The following TBC1D5 variants were observed in gnomAD, a reference collection of about 807,000 sequenced individuals.
The protein encoded by TBC1D5 is TBC1 domain family, member 5.
Under a neutral mutation model 100.3 loss-of-function variants are expected in TBC1D5, and 75 were observed. The observed-to-expected ratio is 0.75, with a 90% CI of 0.62 to 0.91. The LOEUF (loss-of-function observed/expected upper bound fraction) is 0.91, where lower values mean the gene tolerates loss of function less well. TBC1D5 is among the 40% of genes least tolerant of loss of function. The probability of loss-of-function intolerance (pLI) is 0.00; values close to 1 mark genes in which losing one functional copy is unlikely to be tolerated. For missense variants in TBC1D5, 910 were observed against 942.4 expected, an observed-to-expected ratio of 0.97 and a Z score of 0.45; for synonymous variants, 323 against 325.6, an observed-to-expected ratio of 0.99 and a Z score of 0.09.
chr3:17,514,475 G>A (rs2095956760), intron 2 of TBC1D5, among the ~76,000 whole-genome samples: 1 of 151,986 alleles, frequency 6.6e-6, no homozygotes, highest in Admixed American at 6.6e-5. Flanking sequence ...CAACATATAA[G>A]AACAATGATC....
At chr3:17,366,527 T>G (rs1428961793) in intron 13 of TBC1D5, among the ~76,000 whole-genome samples, 1 of 152,186 alleles carries the variant, frequency 6.6e-6, no homozygotes, top group Non-Finnish European at 1.5e-5. Flanking sequence ...CAGTAGTGTA[T>G]GAAAGCAAGC....
At chr3:17,675,573 T>C (rs1354971069) in intron 1 of TBC1D5, among the ~76,000 whole-genome samples, 3 of 152,140 alleles carry the variant, frequency 2.0e-5, no homozygotes, top group African/African-American at 7.2e-5. Flanking sequence ...AATTTTAACT[T>C]ATATGAAAGG....
chr3:17,621,977 T>C (rs570164786), intron 2 of TBC1D5, among the ~76,000 whole-genome samples: 18 of 152,350 alleles, frequency 1.2e-4, no homozygotes, highest in African/African-American at 4.3e-4. Context: ...GTTTTCTTCC[T>C]TTCATTCATC....
At chr3:17,521,918 A>G (rs923567175) in intron 2 of TBC1D5, among the ~76,000 whole-genome samples, 1 of 152,164 alleles carries the variant, frequency 6.6e-6, no homozygotes, top group Non-Finnish European at 1.5e-5. Flanking sequence ...ATTGATTAGT[A>G]GCTTCAAAAA....
intron 2 of TBC1D5, among the ~76,000 whole-genome samples, chr3:17,573,617 A>G (rs943599069): frequency 1.3e-5 from 2 of 152,060 alleles, no homozygotes; most frequent in Non-Finnish European, 2.9e-5. Context: ...AACTCAAACT[A>G]CTTGCAGTTC....
At chr3:17,220,124 G>A (rs2074112980) in intron 17 of TBC1D5, among the ~76,000 whole-genome samples, 1 of 152,110 alleles carries the variant, frequency 6.6e-6, no homozygotes, top group Non-Finnish European at 1.5e-5. Context: ...ATTTTAGAAA[G>A]GTACACCTTT....
At chr3:17,211,726 T>C (rs530292003) in intron 18 of TBC1D5, among the ~76,000 whole-genome samples, 1 of 152,238 alleles carries the variant, frequency 6.6e-6, no homozygotes, top group Non-Finnish European at 1.5e-5. Flanking sequence ...ATATTTTTAT[T>C]GCTACTGTTT....
chr3:17,436,794 A>G (rs2094543955), intron 3 of TBC1D5, among the ~76,000 whole-genome samples: 1 of 152,224 alleles, frequency 6.6e-6, no homozygotes, highest in Non-Finnish European at 1.5e-5. Context: ...AACATGTATG[A>G]TAGTACATAG....
At chr3:17,201,031 CTCT>C (rs1274008721) in intron 18 of TBC1D5, among the ~76,000 whole-genome samples, 3 of 152,014 alleles carry the variant, frequency 2.0e-5, no homozygotes, top group Non-Finnish European at 4.4e-5. Context: ...TTGTTTTTTT[CTCT>C]TCTTATTAGT....
chr3:17,227,949 T>C (rs767866256), intron 17 of TBC1D5, among the ~76,000 whole-genome samples: 1 of 150,876 alleles, frequency 6.6e-6, no homozygotes, highest in Admixed American at 6.6e-5. Flanking sequence ...GAGTGGAGGA[T>C]AGTGGGAAGA....
rs569077892 is a variant in TBC1D5, at chr3:17,297,468, C to T, written c.1139-5467G>A. On this transcript the variant is annotated intron_variant, in intron 14 of 21. Coordinates refer to ENST00000253692, the Ensembl canonical transcript of TBC1D5. Reference sequence around the variant, plus strand: ...GTGGGCGCCTGTAATCCCAGCTACTCGGGAGGCTGACGCAGGAGAATCACT... The same window carrying T: ...GTGGGCGCCTGTAATCCCAGCTACTTGGGAGGCTGACGCAGGAGAATCACT... 2.6e-4 allele frequency among the ~76,000 whole-genome samples: 39 copies of T among 151,690 alleles called. 1 individual carries two copies. The South Asian group carries it at 7.9e-3, about 31-fold the overall frequency.
chr3:17,705,849 G>T, intron 1 of TBC1D5, among the ~76,000 whole-genome samples: 1 of 151,678 alleles, frequency 6.6e-6, no homozygotes, highest in Non-Finnish European at 1.5e-5. Context: ...ACGGGGTGGC[G>T]GCCGGGCAGA....
At chr3:17,364,159 T>C (rs2091948869) in intron 13 of TBC1D5, among the ~76,000 whole-genome samples, 1 of 152,164 alleles carries the variant, frequency 6.6e-6, no homozygotes, top group South Asian at 2.1e-4. Flanking sequence ...TTTCTACTAA[T>C]TATTTAGAGT....
chr3:17,709,082 T>G (rs2074449530), intron 1 of TBC1D5, among the ~76,000 whole-genome samples: 2 of 152,228 alleles, frequency 1.3e-5, no homozygotes, highest in Non-Finnish European at 2.9e-5. Context: ...TATAATGAAT[T>G]AATTCTAACT....
chr3:17,540,905 CAAAAAAAAAAA>C (rs71634807), intron 2 of TBC1D5, among the ~76,000 whole-genome samples: 9,903 of 31,354 alleles, frequency 0.32, 525 homozygotes, highest in Middle Eastern at 0.41. Flanking sequence ...GGCTCCATCT[CAAAAAAAAAAA>C]AAAAAAAAAA....
chr3:17,416,162 A>G (rs1161392036), intron 4 of TBC1D5, among the ~76,000 whole-genome samples: 1 of 152,208 alleles, frequency 6.6e-6, no homozygotes, highest in East Asian at 1.9e-4. Flanking sequence ...TCTAAGAAAT[A>G]TTAAAATCAA....
At chr3:17,282,537 A>C (rs1212224174) in intron 15 of TBC1D5, among the ~76,000 whole-genome samples, 1 of 152,206 alleles carries the variant, frequency 6.6e-6, no homozygotes, top group Non-Finnish European at 1.5e-5. Context: ...TTTAAGGAAA[A>C]ATAAATCACA....
intron 3 of TBC1D5, among the ~76,000 whole-genome samples, chr3:17,430,525 A>G (rs1243488418): frequency 1.3e-5 from 2 of 151,880 alleles, no homozygotes; most frequent in Non-Finnish European, 3.0e-5. Flanking sequence ...GGAAAAAAAA[A>G]GCAGTTTTTC....
At chr3:17,443,406 A>G (rs1373037824) in intron 3 of TBC1D5, among the ~76,000 whole-genome samples, 1 of 152,232 alleles carries the variant, frequency 6.6e-6, no homozygotes. Flanking sequence ...CCTATAGTTC[A>G]ACAATGTATA....
Sources: allele counts gnomAD v4.1 joint callset (sites outside exome capture counted in the v4.1 genomes callset), GRCh38; gene constraint gnomAD v4.1.1; transcripts MANE v1.5; gene names NCBI Gene and HGNC (gene_info 2026-07-23, HGNC 2026-07-21).